Variants in TSPAN8 observed in about 807,000 individuals in gnomAD.
TSPAN8 encodes tetraspanin-8.
A neutral mutation model predicts 32.8 loss-of-function variants in TSPAN8; 21 were observed. That is an observed-to-expected ratio of 0.64 (90% CI 0.45 to 0.92). The LOEUF (loss-of-function observed/expected upper bound fraction) is 0.92. Among genes scored for constraint, TSPAN8 ranks in the 40% least tolerant of loss-of-function variants. The pLI is 0.00. For synonymous variants in TSPAN8, 95 were observed against 94.6 expected (o/e 1.00, Z -0.03); for missense variants, 269 against 281.9 (o/e 0.95, Z 0.33).
chr12:71,128,312 G>C (rs778890318), intron 8 of TSPAN8, among the ~76,000 whole-genome samples: 3 of 152,150 alleles, frequency 2.0e-5, no homozygotes, highest in Non-Finnish European at 2.9e-5. Context: ...ACACTAAATT[G>C]CTTCATTCCC....
At position 71,132,695 on chromosome 12, in the gene TSPAN8, C is replaced by G. The variant is rs774229763; in HGVS notation, c.574G>C (p.Glu192Gln). The G allele has an allele frequency of 6.2e-7, 1 of 1,613,582 alleles. No individual in the cohort carries two copies. The highest frequency in any genetic ancestry group is 8.5e-7 in the Non-Finnish European group (1 of 1,179,864). The change falls in exon 7 of 9, where the codon GAG becomes CAG. Residue 192 changes from glutamate to glutamine, a missense_variant and splice_region_variant. Physicochemically the swap from Glu to Gln is conservative, Grantham distance 29. Coordinates refer to ENST00000247829, the MANE Select transcript of TSPAN8 (RefSeq NM_004616.3). ...QSYNGKQVYK[E>Q]TCISFIKDFL... is the part of the protein sequence containing the mutation. ...ACCAAATGTGATTTAGTTCTCACCT[C>G]TTTGTAAACTTGTTTTCCATTATAG...
intron 8 of TSPAN8, among the ~76,000 whole-genome samples, chr12:71,128,655 TA>T (rs77961508): frequency 0.031 from 4,295 of 139,404 alleles, 160 homozygotes; most frequent in East Asian, 0.16. Context: ...TTTTTTTTTT[TA>T]AAAAAAAAAC....
chr12:71,132,527 T>C (rs1221036460), intron 7 of TSPAN8, among the ~76,000 whole-genome samples, 166 bp downstream of exon 7: 2 of 152,208 alleles, frequency 1.3e-5, no homozygotes, highest in Non-Finnish European at 2.9e-5. Context: ...ATGAAGTCTA[T>C]CTGCTTTTAT....
chr12:71,139,215 T>C (rs573843698), intron 4 of TSPAN8: 105 of 457,396 alleles, frequency 2.3e-4, no homozygotes, highest in Non-Finnish European at 3.0e-4. Context: ...TACCCAAGGC[T>C]TCTCAGTTCC....
rs1175462082 is a variant in TSPAN8, at chr12:71,135,240, G to A, written c.445-2416C>T. Reference sequence around the variant, plus strand: ...GGAGGAGGAAGAAGAAGGAGGAGGAGGAGGAGGAGGAGGAGGTAAGAAGAG... The same window carrying A: ...GGAGGAGGAAGAAGAAGGAGGAGGAAGAGGAGGAGGAGGAGGTAAGAAGAG... On this transcript the variant is annotated intron_variant, in intron 6 of 8. Coordinates refer to ENST00000247829, the MANE Select transcript of TSPAN8 (RefSeq NM_004616.3). Among the ~76,000 whole-genome samples, 435 of 66,298 alleles carry A rather than the reference G, an allele frequency of 6.6e-3. 6 individuals carry two copies. Among genetic ancestry groups the A allele is most frequent in the African/African-American group, 0.015 (395 of 26,456 alleles). The allele number at this position is 66,298 out of a possible 152,430, so 43.5% of individuals were successfully genotyped here. A position where few individuals can be genotyped will look rare whatever the true frequency, so the allele number is the denominator to read the frequency against.
At chr12:71,130,109 T>C (rs1042417299) in intron 7 of TSPAN8, among the ~76,000 whole-genome samples, 2 of 152,152 alleles carry the variant, frequency 1.3e-5, no homozygotes, top group South Asian at 4.1e-4. Context: ...TGTGCCACCA[T>C]GCCTGGCTAA....
intron 6 of TSPAN8, among the ~76,000 whole-genome samples, chr12:71,135,057 AG>A (rs1871637362): frequency 6.6e-6 from 1 of 152,178 alleles, no homozygotes; most frequent in South Asian, 2.1e-4. Flanking sequence ...TGAAATCCAA[AG>A]AGAAAGCCAC....
intron 8 of TSPAN8, among the ~76,000 whole-genome samples, chr12:71,125,775 T>C (rs936826812): frequency 1.3e-5 from 2 of 152,112 alleles, no homozygotes; most frequent in African/African-American, 2.4e-5. Context: ...AATGCTTCCA[T>C]AAAAAGGTTA....
chr12:71,146,858 A>G (rs114094856), intron 2 of TSPAN8, among the ~76,000 whole-genome samples: 1,912 of 152,310 alleles, frequency 0.013, 56 homozygotes, highest in African/African-American at 0.043. Context: ...CTAACCTCCA[A>G]TGTATCTGTT....
intron 2 of TSPAN8, among the ~76,000 whole-genome samples, chr12:71,154,819 T>C (rs1011150710): frequency 6.6e-6 from 1 of 152,202 alleles, no homozygotes; most frequent in African/African-American, 2.4e-5. Flanking sequence ...ATTCGAGGTC[T>C]GGACAGGAAA....
intron 8 of TSPAN8, among the ~76,000 whole-genome samples, chr12:71,128,392 G>C (rs1871408089): frequency 6.6e-6 from 1 of 152,104 alleles, no homozygotes; most frequent in Non-Finnish European, 1.5e-5. Flanking sequence ...AGCCCAAGGA[G>C]TACCTTGCAC....
intron 2 of TSPAN8, among the ~76,000 whole-genome samples, chr12:71,150,419 C>A (rs1463097008): frequency 6.6e-6 from 1 of 152,102 alleles, no homozygotes; most frequent in Non-Finnish European, 1.5e-5. Context: ...GATCTTGTGA[C>A]CTACTCCCTG....
chr12:71,142,106 A>G (rs1018971052), intron 3 of TSPAN8, among the ~76,000 whole-genome samples: 2 of 152,198 alleles, frequency 1.3e-5, no homozygotes, highest in African/African-American at 4.8e-5. Flanking sequence ...CAAAAAATTC[A>G]GCTCTTTGCT....
intron 6 of TSPAN8, among the ~76,000 whole-genome samples, chr12:71,134,815 G>C (rs578213407): frequency 1.3e-5 from 2 of 152,334 alleles, no homozygotes; most frequent in South Asian, 4.1e-4. Context: ...TCATAGATGA[G>C]AGGGTAGAAG....
intron 8 of TSPAN8, among the ~76,000 whole-genome samples, chr12:71,128,198 A>G (rs1592397687): frequency 6.6e-6 from 1 of 152,234 alleles, no homozygotes; most frequent in Non-Finnish European, 1.5e-5. Flanking sequence ...CATCTGGACT[A>G]CAAGAAAGTA....
chr12:71,132,594 C>T, intron 7 of TSPAN8, 99 bp downstream of exon 7: 2 of 1,331,388 alleles, frequency 1.5e-6, no homozygotes, highest in South Asian at 1.5e-5. Context: ...TATCATGATT[C>T]CCATGGTACT....
chr12:71,139,510 C>G (rs964460543), intron 4 of TSPAN8, among the ~76,000 whole-genome samples: 1 of 148,524 alleles, frequency 6.7e-6, no homozygotes, highest in Non-Finnish European at 1.5e-5. Flanking sequence ...TAAAATTTGT[C>G]TCCTCTCAGA....
chr12:71,132,721 C>T lies in TSPAN8; in HGVS notation c.548G>A (p.Ser183Asn), dbSNP rs775733045. Residue 183 changes from serine to asparagine, a missense_variant, in exon 7 of 9, where the codon AGC becomes AAC. Transcript: ENST00000247829. The stretch of plus-strand genomic sequence containing the variant: ...TTTGTAAACTTGTTTTCCATTATAG[C>T]TTTGGCATGGTCTCTGCTTATCTAG... Reference protein sequence around the residue: ...ACLDKQRPCQSYNGKQVYKET... With the variant: ...ACLDKQRPCQNYNGKQVYKET... 1 of 1,613,840 alleles carries T rather than the reference C, an allele frequency of 6.2e-7. No homozygotes were observed.
intron 3 of TSPAN8, among the ~76,000 whole-genome samples, chr12:71,142,306 A>C (rs780802856): frequency 6.6e-5 from 10 of 152,346 alleles, no homozygotes; most frequent in Non-Finnish European, 7.3e-5. Context: ...CCAGATGTGG[A>C]GGAGCACCCT....
Sources: gnomAD v4.1 joint callset for allele counts (sites outside exome capture counted in the v4.1 genomes callset) on GRCh38, gnomAD v4.1.1 for gene constraint, MANE v1.5 for transcripts, NCBI Gene and HGNC (gene_info 2026-07-23, HGNC 2026-07-21) for gene names.